PEBP4: variants seen among roughly 807,000 people sequenced by gnomAD.
The protein encoded by PEBP4 is phosphatidylethanolamine binding protein 4.
Under a neutral mutation model 23.9 loss-of-function variants are expected in PEBP4, and 22 were observed. The observed-to-expected ratio is 0.92, with a 90% CI of 0.66 to 1.31. PEBP4 has a LOEUF of 1.31. Among genes scored for constraint, PEBP4 ranks in the 40% most tolerant of loss-of-function variants. The probability of loss-of-function intolerance (pLI) is 0.00; values close to 1 mark genes in which losing one functional copy is unlikely to be tolerated. For missense variants in PEBP4, 324 were observed against 281.7 expected (o/e 1.15, Z -1.07); for synonymous variants, 112 against 99.3 (o/e 1.13, Z -0.76).
At chr8:22,871,586 C>T (rs1354260856) in intron 3 of PEBP4, among the ~76,000 whole-genome samples, 1 of 128,460 alleles carries the variant, frequency 7.8e-6, no homozygotes, top group East Asian at 2.5e-4. Context: ...GACCGAGTCT[C>T]ACTCTGTTGC....
chr8:22,939,545 T>C (rs922236621), intron 1 of PEBP4, among the ~76,000 whole-genome samples: 5 of 152,040 alleles, frequency 3.3e-5, no homozygotes, highest in African/African-American at 9.7e-5. Flanking sequence ...AGTTCATGAA[T>C]GCTAGCAATG....
intron 4 of PEBP4, among the ~76,000 whole-genome samples, chr8:22,762,892 C>A (rs1805538671): frequency 6.6e-6 from 1 of 152,214 alleles, no homozygotes. Context: ...AGGTTCCTGA[C>A]TCCTAGACCA....
chr8:22,938,620 G>A (rs968398038), intron 1 of PEBP4, among the ~76,000 whole-genome samples: 1 of 152,178 alleles, frequency 6.6e-6, no homozygotes, highest in African/African-American at 2.4e-5. Context: ...ACCAGCAGGT[G>A]CTCCATTACC....
chr8:22,941,044 G>A (rs191058853), intron 1 of PEBP4, among the ~76,000 whole-genome samples: 8 of 152,088 alleles, frequency 5.3e-5, no homozygotes, highest in Non-Finnish European at 1.0e-4. Flanking sequence ...CAGAGCCAGC[G>A]GATGTTGAGA....
chr8:22,725,768 G>C (rs1804611197), intron 5 of PEBP4, among the ~76,000 whole-genome samples: 1 of 152,180 alleles, frequency 6.6e-6, no homozygotes, highest in South Asian at 2.1e-4. Flanking sequence ...GGGTGGGTGG[G>C]AAAGAAGCAT....
At position 22,753,082 on chromosome 8, in the gene PEBP4, C is replaced by T. The variant is rs190466655; in HGVS notation, c.358-25862G>A. Among the ~76,000 whole-genome samples, 384 of 152,324 alleles carry T rather than the reference C, an allele frequency of 2.5e-3. 1 individual carries two copies. The highest frequency in any genetic ancestry group is 3.3e-3 in the Non-Finnish European group (222 of 68,030). Reference sequence around the variant, plus strand: ...CCAGGTGTGTGGTCAGGGAAGTATCCTGGTAGCTTAGTTCAGCGCACATTG... The same window carrying T: ...CCAGGTGTGTGGTCAGGGAAGTATCTTGGTAGCTTAGTTCAGCGCACATTG... On this transcript the variant is annotated intron_variant, in intron 4 of 6. Coordinates refer to ENST00000256404, the MANE Select transcript of PEBP4 (RefSeq NM_144962.3).
At chr8:22,768,503 C>T (rs1305374363) in intron 4 of PEBP4, among the ~76,000 whole-genome samples, 1 of 152,204 alleles carries the variant, frequency 6.6e-6, no homozygotes, top group African/African-American at 2.4e-5. Flanking sequence ...ATCCAAGGCC[C>T]CACGGTGCTG....
At chr8:22,858,675 G>C (rs896137163) in intron 3 of PEBP4, among the ~76,000 whole-genome samples, 1 of 152,348 alleles carries the variant, frequency 6.6e-6, no homozygotes, top group East Asian at 1.9e-4. Flanking sequence ...GGCTGGGCCT[G>C]GTGGTTCATG....
chr8:22,874,147 C>T (rs1808069790), intron 3 of PEBP4, among the ~76,000 whole-genome samples: 1 of 151,992 alleles, frequency 6.6e-6, no homozygotes, highest in Admixed American at 6.6e-5. Context: ...GAAGCCCTGA[C>T]TTGTGCAGCT....
chr8:22,887,672 G>A (rs1462425746), intron 3 of PEBP4: 1 of 152,160 alleles, frequency 6.6e-6, no homozygotes, highest in African/African-American at 2.4e-5. Context: ...GGCAAAGGCA[G>A]GAGGATCGCT....
chr8:22,718,150 G>T (rs1297018740), intron 6 of PEBP4, among the ~76,000 whole-genome samples: 2 of 152,074 alleles, frequency 1.3e-5, no homozygotes, highest in Non-Finnish European at 1.5e-5. Flanking sequence ...TGAGAGGGAG[G>T]GGATGCCAGC....
chr8:22,802,867 C>A (rs192997641), intron 4 of PEBP4, among the ~76,000 whole-genome samples: 15 of 152,234 alleles, frequency 9.9e-5, no homozygotes, highest in African/African-American at 3.6e-4. Context: ...ACTATCAGAG[C>A]CTGGTGTTAT....
At chr8:22,911,855 G>C (rs1220712692) in intron 3 of PEBP4, among the ~76,000 whole-genome samples, 2 of 152,208 alleles carry the variant, frequency 1.3e-5, no homozygotes, top group African/African-American at 4.8e-5. Flanking sequence ...CCCCTTGGTA[G>C]ATCAGCGCAC....
In PEBP4 at chr8:22,713,498, G is replaced by A. The variant is rs752122807; in HGVS notation, c.556C>T (p.Leu186=). 1 of 1,614,172 alleles carries A rather than the reference G, an allele frequency of 6.2e-7. No individual in the cohort carries two copies. Among genetic ancestry groups the A allele is most frequent in the Non-Finnish European group, 8.5e-7 (1 of 1,180,014 alleles). The change falls in exon 7 of 7, where the codon CTG becomes TTG. Residue 186 remains leucine (L), a synonymous_variant. Transcript: ENST00000256404. ...TGGGTGCTTGCTTCAGGTTCGCCCAGGTGGAAACGGTTCAGAAATCTGTCC... is the reference window on the plus strand; with the variant it reads ...TGGGTGCTTGCTTCAGGTTCGCCCAAGTGGAAACGGTTCAGAAATCTGTCC... ...KMDRFLNRFH[L]GEPEASTQFM...
chr8:22,838,712 T>C (rs1466206977), intron 3 of PEBP4, among the ~76,000 whole-genome samples: 1 of 152,278 alleles, frequency 6.6e-6, no homozygotes, highest in East Asian at 1.9e-4. Flanking sequence ...GGCCTGGCGC[T>C]GAGCTGTGGC....
chr8:22,820,141 T>C (rs1007500901), intron 3 of PEBP4, among the ~76,000 whole-genome samples: 1 of 152,182 alleles, frequency 6.6e-6, no homozygotes, highest in African/African-American at 2.4e-5. Flanking sequence ...GAGGAAATTG[T>C]CTTCCGATTG....
chr8:22,824,124 T>C (rs1408391164), intron 3 of PEBP4, among the ~76,000 whole-genome samples: 1 of 151,992 alleles, frequency 6.6e-6, no homozygotes, highest in Non-Finnish European at 1.5e-5. Context: ...ACCAGAAAAA[T>C]AGAAAGTTAA....
At chr8:22,776,402 G>C (rs1000156152) in intron 4 of PEBP4, among the ~76,000 whole-genome samples, 7 of 152,094 alleles carry the variant, frequency 4.6e-5, no homozygotes, top group African/African-American at 1.2e-4. Flanking sequence ...TATGTGGTTT[G>C]GGGGAGCTTT....
At chr8:22,821,982 C>CT (rs1806867774) in intron 3 of PEBP4, among the ~76,000 whole-genome samples, 1 of 29,040 alleles carries the variant, frequency 3.4e-5, no homozygotes, top group Non-Finnish European at 8.8e-5. Context: ...AAGACCTCGT[C>CT]TCAAAAAAAA....
Sources: allele counts gnomAD v4.1 joint callset (sites outside exome capture counted in the v4.1 genomes callset), GRCh38; gene constraint gnomAD v4.1.1; transcripts MANE v1.5; gene names NCBI Gene and HGNC (gene_info 2026-07-23, HGNC 2026-07-21).